CRTAC1: variants seen among roughly 807,000 people sequenced by gnomAD.
CRTAC1 encodes the protein cartilage acidic protein 1, also known as acidic secreted protein in cartilage.
A neutral mutation model predicts 67.8 loss-of-function variants in CRTAC1; 37 were observed. That is an observed-to-expected ratio of 0.55 (90% CI 0.42 to 0.72). The LOEUF (loss-of-function observed/expected upper bound fraction) is 0.72, where lower values mean the gene tolerates loss of function less well. Among genes scored for constraint, CRTAC1 ranks in the 30% least tolerant of loss-of-function variants. The pLI, the probability that CRTAC1 is intolerant of heterozygous loss-of-function variation, is 0.00. For missense variants in CRTAC1, 780 were observed against 931.6 expected, an observed-to-expected ratio of 0.84 and a Z score of 2.12; for synonymous variants, 348 against 371.0, an observed-to-expected ratio of 0.94 and a Z score of 0.71.
At chr10:97,948,712 G>C (rs988559314) in intron 2 of CRTAC1, among the ~76,000 whole-genome samples, 29 of 152,198 alleles carry the variant, frequency 1.9e-4, no homozygotes, top group African/African-American at 6.5e-4. Flanking sequence ...GTAATATCCT[G>C]TATTAGTTCA....
chr10:98,026,515 G>T (rs1346311750), intron 1 of CRTAC1, among the ~76,000 whole-genome samples: 3 of 152,162 alleles, frequency 2.0e-5, no homozygotes, highest in Admixed American at 6.5e-5. Flanking sequence ...TCTTGAGAAT[G>T]CAGGCTCATT....
At chr10:97,993,220 T>C (rs1842493145) in intron 2 of CRTAC1, among the ~76,000 whole-genome samples, 1 of 152,138 alleles carries the variant, frequency 6.6e-6, no homozygotes, top group African/African-American at 2.4e-5. Flanking sequence ...CAAAAAATTA[T>C]TGCGGTTTAA....
Position 97,901,560 on chromosome 10 carries a change from A to G in CRTAC1, c.1076T>C (p.Leu359Pro). ...ITADFDNDQE[L>P]EIFFNNIAYR... Reference sequence around the variant, plus strand: ...GGCAATGTTGTTGAAGAAGATCTCCAGCTCCTGGTCATTGTCAAAGTCGGC... The same window carrying G: ...GGCAATGTTGTTGAAGAAGATCTCCGGCTCCTGGTCATTGTCAAAGTCGGC... The change falls in exon 8 of 15, where the codon CTG (leucine) becomes CCG (proline). Residue 359 changes from leucine (L) to proline (P), a missense_variant. Coordinates refer to ENST00000370597, the MANE Select transcript of CRTAC1 (RefSeq NM_018058.7). 1 of 1,614,204 alleles carries G rather than the reference A, an allele frequency of 6.2e-7. No homozygotes were observed. The highest frequency in any genetic ancestry group is 2.2e-5 in the East Asian group (1 of 44,884).
chr10:97,890,116 C>CACACACACAA (rs1041723950), intron 11 of CRTAC1, among the ~76,000 whole-genome samples: 2 of 151,956 alleles, frequency 1.3e-5, no homozygotes, highest in African/African-American at 4.8e-5. Flanking sequence ...CACACACACA[C>CACACACACAA]ACTCTCACAC....
intron 1 of CRTAC1, among the ~76,000 whole-genome samples, chr10:98,028,194 G>A (rs1203458434): frequency 6.6e-6 from 1 of 152,214 alleles, no homozygotes; most frequent in Admixed American, 6.5e-5. Context: ...CATAGCACCC[G>A]AGGTCACAGG....
chr10:97,967,206 G>A (rs12251254), intron 2 of CRTAC1, among the ~76,000 whole-genome samples: 71,617 of 151,830 alleles, frequency 0.47, 18,050 homozygotes, highest in African/African-American at 0.66. Flanking sequence ...ATATTTATTT[G>A]TACTTTAGGT....
chr10:97,917,065 T>A (rs1221143836), intron 5 of CRTAC1, among the ~76,000 whole-genome samples: 1 of 152,232 alleles, frequency 6.6e-6, no homozygotes, highest in Non-Finnish European at 1.5e-5. Flanking sequence ...AATTCCTGGT[T>A]GCTTATGTGT....
intron 1 of CRTAC1, among the ~76,000 whole-genome samples, chr10:98,019,078 G>C (rs1232142912): frequency 6.6e-6 from 1 of 152,138 alleles, no homozygotes; most frequent in Admixed American, 6.5e-5. Context: ...GCTGGGGGGG[G>C]AGCTGGGAAG....
chr10:98,015,724 T>C (rs778836483), intron 1 of CRTAC1, among the ~76,000 whole-genome samples: 1 of 152,214 alleles, frequency 6.6e-6, no homozygotes, highest in Non-Finnish European at 1.5e-5. Context: ...TCTCAAACTT[T>C]AATGTGTGTA....
rs142252467 is a variant in CRTAC1 at position 98,019,359 on chromosome 10, A to T, written c.25-8022T>A. ...CATCAGACTAGAGCAGTGGTTCTCC[A>T]CCACGGCGATTTTGCTGCCCTCTGG... is the stretch of plus-strand genomic sequence containing the variant. On this transcript the variant is annotated intron_variant, in intron 1 of 14. Transcript: ENST00000370597. Among the ~76,000 whole-genome samples the T allele has an allele frequency of 2.0e-5, 3 of 152,268 alleles. No individual in the cohort carries two copies. In the East Asian group the frequency reaches 5.8e-4, roughly 29 times the overall value.
At chr10:98,017,357 C>T (rs150745732) in intron 1 of CRTAC1, among the ~76,000 whole-genome samples, 255 of 152,154 alleles carry the variant, frequency 1.7e-3, no homozygotes, top group African/African-American at 5.6e-3. Context: ...CCAGACAAGG[C>T]GAAGCTAAAT....
intron 2 of CRTAC1, among the ~76,000 whole-genome samples, chr10:98,009,717 G>C (rs1297680586): frequency 1.3e-5 from 2 of 152,166 alleles, no homozygotes; most frequent in African/African-American, 2.4e-5. Context: ...TACCAAAAAA[G>C]CTCAGGCCTC....
intron 14 of CRTAC1, 92 bp downstream of exon 14, chr10:97,880,157 G>A (rs1289844526): frequency 2.8e-6 from 4 of 1,432,082 alleles, no homozygotes; most frequent in African/African-American, 2.8e-5. Context: ...GAGAAGGAAG[G>A]GGCTGGGGAC....
intron 2 of CRTAC1, among the ~76,000 whole-genome samples, chr10:97,970,401 C>A (rs2051688513): frequency 6.6e-6 from 1 of 152,234 alleles, no homozygotes; most frequent in African/African-American, 2.4e-5. Context: ...CTCCTAACGG[C>A]TTTCTTCTCA....
At chr10:97,958,345 T>G (rs367611136) in intron 2 of CRTAC1, among the ~76,000 whole-genome samples, 1 of 152,216 alleles carries the variant, frequency 6.6e-6, no homozygotes, top group African/African-American at 2.4e-5. Context: ...CCTCAGTGCA[T>G]TTAATGGAGA....
At chr10:97,928,391 G>C (rs1258740605) in intron 3 of CRTAC1, among the ~76,000 whole-genome samples, 2 of 152,172 alleles carry the variant, frequency 1.3e-5, no homozygotes, top group South Asian at 2.1e-4. Context: ...ACAACACCAG[G>C]GACAGGTAAA....
At chr10:97,944,491 G>A (rs1398673992) in intron 2 of CRTAC1, among the ~76,000 whole-genome samples, 1 of 152,108 alleles carries the variant, frequency 6.6e-6, no homozygotes, top group Non-Finnish European at 1.5e-5. Flanking sequence ...TCTAAACAGG[G>A]ATTTAATCTA....
chr10:98,014,853 T>C (rs779407575), intron 1 of CRTAC1, among the ~76,000 whole-genome samples: 31 of 152,154 alleles, frequency 2.0e-4, no homozygotes, highest in Non-Finnish European at 4.0e-4. Context: ...CTGGCAGAAA[T>C]GTAAAATAAT....
chr10:97,944,298 G>T (rs2051227893), intron 2 of CRTAC1, among the ~76,000 whole-genome samples: 1 of 152,082 alleles, frequency 6.6e-6, no homozygotes, highest in African/African-American at 2.4e-5. Flanking sequence ...GAGCGTGGTG[G>T]TGCACACCCT....
Sources: allele counts gnomAD v4.1 joint callset (sites outside exome capture counted in the v4.1 genomes callset), GRCh38; gene constraint gnomAD v4.1.1; transcripts MANE v1.5; gene names NCBI Gene and HGNC (gene_info 2026-07-23, HGNC 2026-07-21).